Variants in FLI1 observed in about 807,000 individuals in gnomAD.
FLI1 encodes the protein Friend leukemia integration 1 transcription factor.
FLI1 carries 13 observed loss-of-function variants against 53.1 expected under a neutral mutation model. The ratio of observed to expected loss-of-function variants is 0.24; its 90% CI spans 0.16 to 0.39. The LOEUF is 0.39. Among genes scored for constraint, FLI1 ranks in the 10% least tolerant of loss-of-function variants. The probability of loss-of-function intolerance (pLI) is 1.00; values close to 1 mark genes in which losing one functional copy is unlikely to be tolerated. For missense variants in FLI1, 424 were observed against 600.5 expected, an observed-to-expected ratio of 0.71 and a Z score of 3.07; for synonymous variants, 244 against 236.7, an observed-to-expected ratio of 1.03 and a Z score of -0.28.
At chr11:128,739,077 T>C (rs1591767995) in intron 1 of FLI1, among the ~76,000 whole-genome samples, 1 of 152,200 alleles carries the variant, frequency 6.6e-6, no homozygotes, top group South Asian at 2.1e-4. Flanking sequence ...CCAAACTCGA[T>C]GTTTATCAGC....
chr11:128,771,169 G>A (rs548825166), intron 3 of FLI1, among the ~76,000 whole-genome samples: 2 of 152,330 alleles, frequency 1.3e-5, no homozygotes, highest in East Asian at 1.9e-4. Flanking sequence ...TAGGGCTCGC[G>A]GAGCAGGTGG....
upstream of FLI1, chr11:128,692,249 G>A (rs1216553850): frequency 1.3e-5 from 2 of 152,224 alleles, no homozygotes; most frequent in Non-Finnish European, 2.9e-5. Flanking sequence ...AGCCTGCCGC[G>A]GGGAGGAAAG....
At chr11:128,798,579 C>T (rs944733954) in intron 5 of FLI1, among the ~76,000 whole-genome samples, 6 of 152,276 alleles carry the variant, frequency 3.9e-5, no homozygotes, top group South Asian at 2.1e-4. Context: ...GGGTCAGCTC[C>T]GAGGCAGAGG....
At chr11:128,803,529 C>A (rs1453039309) in intron 5 of FLI1, among the ~76,000 whole-genome samples, 1 of 152,220 alleles carries the variant, frequency 6.6e-6, no homozygotes, top group Non-Finnish European at 1.5e-5. Context: ...CCTAGTTCCA[C>A]TCACCTCTCT....
intron 5 of FLI1, among the ~76,000 whole-genome samples, chr11:128,796,611 T>C (rs1465458438): frequency 6.6e-6 from 1 of 152,230 alleles, no homozygotes; most frequent in Non-Finnish European, 1.5e-5. Context: ...ACTACTGTGC[T>C]CTGTCTGATG....
At chr11:128,802,552 C>T (rs1942663704) in intron 5 of FLI1, among the ~76,000 whole-genome samples, 1 of 152,234 alleles carries the variant, frequency 6.6e-6, no homozygotes, top group African/African-American at 2.4e-5. Flanking sequence ...GAGCACAGTT[C>T]AGGCTGACTG....
intron 1 of FLI1, among the ~76,000 whole-genome samples, chr11:128,742,050 T>G (rs1477607851): frequency 6.8e-6 from 1 of 146,794 alleles, no homozygotes; most frequent in Non-Finnish European, 1.5e-5. Context: ...ATTCAGACTC[T>G]TTTCTCCTTT....
rs1012439114 is a variant in FLI1, at chr11:128,810,400, G to T, written c.830-59G>T. Reference sequence around the variant, plus strand: ...AAGCTCCCTGCATTTAGGGAACTGGGTTCTGCCTTCTCTGGGCTGAGGTGT... The same window carrying T: ...AAGCTCCCTGCATTTAGGGAACTGGTTTCTGCCTTCTCTGGGCTGAGGTGT... On this transcript the variant is annotated intron_variant, in intron 8 of 8. Transcript: ENST00000527786. This position sits in a 1 kb window ranked among gnomAD's most constrained non-coding sequence, Gnocchi z 6.6. The T allele has an allele frequency of 1.3e-6, 2 of 1,500,316 alleles. No homozygotes were observed. The highest frequency in any genetic ancestry group is 1.3e-5 in the South Asian group (1 of 78,522). The allele number at this position is 1,500,316 out of a possible 1,614,324, so 92.9% of individuals were successfully genotyped here.
intron 3 of FLI1, among the ~76,000 whole-genome samples, chr11:128,770,583 A>ATAAT (rs1289941782): frequency 2.2e-4 from 33 of 152,378 alleles, no homozygotes; most frequent in African/African-American, 7.7e-4. Context: ...TTGAAGATTT[A>ATAAT]TAATTCATTG....
In FLI1 at chr11:128,810,950, A is replaced by C. The variant is rs779654903; in HGVS notation, c.1321A>C (p.Asn441His). ...CAACCCCAACGTCCCCCGCCATCCT[A>C]ACACCCACGTGCCTTCACACTTAGG... is the stretch of plus-strand genomic sequence containing the variant. Reference protein sequence around the residue: ...YPNPNVPRHPNTHVPSHLGSY... With the variant: ...YPNPNVPRHPHTHVPSHLGSY... Residue 441 changes from asparagine to histidine, a missense_variant, in exon 9 of 9, where the codon AAC becomes CAC. This residue lies in a region of FLI1 where 87 missense variants were observed against 100.0 expected (regional missense o/e 0.87). Transcript: ENST00000527786. The surrounding 1 kb of genome is among the most constrained non-coding windows in gnomAD (Gnocchi z 6.6). 2 of 1,613,920 alleles carry C rather than the reference A, an allele frequency of 1.2e-6. No individual in the cohort carries two copies. The highest frequency in any genetic ancestry group is 8.5e-7 in the Non-Finnish European group (1 of 1,179,868).
intron 1 of FLI1, among the ~76,000 whole-genome samples, chr11:128,729,722 T>G (rs1939618837): frequency 1.3e-5 from 2 of 152,078 alleles, no homozygotes; most frequent in South Asian, 4.2e-4. Flanking sequence ...ATCATTCACC[T>G]CTCCTTCCCC....
intron 5 of FLI1, among the ~76,000 whole-genome samples, chr11:128,789,479 G>T (rs59720570): frequency 6.6e-6 from 1 of 152,160 alleles, no homozygotes; most frequent in Non-Finnish European, 1.5e-5. Context: ...GGGTGATGGG[G>T]CCTCAGGGTT....
intron 5 of FLI1, among the ~76,000 whole-genome samples, chr11:128,795,980 G>A (rs913364857): frequency 4.6e-5 from 7 of 152,302 alleles, no homozygotes; most frequent in African/African-American, 1.4e-4. Context: ...CCCCTGCCAA[G>A]TATCTACCTT....
rs561481229 is a variant in FLI1, at chr11:128,776,508, A to G, written c.589+3523A>G. Among the ~76,000 whole-genome samples, 4 of 152,288 alleles carry G rather than the reference A, an allele frequency of 2.6e-5. No homozygotes were observed. In the East Asian group the frequency reaches 7.7e-4, roughly 29 times the overall value. On this transcript the variant is annotated intron_variant, in intron 4 of 8. Transcript: ENST00000527786. ...TCTACTAAACATACAAAAATGAGCCAGGTGTGGTGGTGGGCGCCTGTAATC... is the reference window on the plus strand; with the variant it reads ...TCTACTAAACATACAAAAATGAGCCGGGTGTGGTGGTGGGCGCCTGTAATC...
At chr11:128,757,046 T>TTCTC (rs1268679379) in intron 1 of FLI1, among the ~76,000 whole-genome samples, 167 of 47,596 alleles carry the variant, frequency 3.5e-3, no homozygotes, top group African/African-American at 0.016. Flanking sequence ...AGCTAATTTT[T>TTCTC]TCTTTCTTTC....
chr11:128,706,857 G>C (rs1938566491), intron 1 of FLI1, among the ~76,000 whole-genome samples: 1 of 152,174 alleles, frequency 6.6e-6, no homozygotes, highest in Admixed American at 6.5e-5. Context: ...TTGCTGATTT[G>C]GAAGAGGGTA....
chr11:128,803,225 T>A (rs568850718), intron 5 of FLI1, among the ~76,000 whole-genome samples: 1 of 149,786 alleles, frequency 6.7e-6, no homozygotes, highest in Non-Finnish European at 1.5e-5. Flanking sequence ...GGCCCTCAGA[T>A]CCACCCCACA....
At chr11:128,755,290 G>A (rs543291113) in intron 1 of FLI1, among the ~76,000 whole-genome samples, 1 of 152,220 alleles carries the variant, frequency 6.6e-6, no homozygotes, top group African/African-American at 2.4e-5. Flanking sequence ...GGAAGGGAAA[G>A]AAATTATTTT....
At chr11:128,786,205 G>T (rs1432052224) in intron 5 of FLI1, among the ~76,000 whole-genome samples, 2 of 152,120 alleles carry the variant, frequency 1.3e-5, no homozygotes, top group Non-Finnish European at 2.9e-5. Context: ...AGACAAACTA[G>T]AGAGAAATGA....
Sources: allele counts gnomAD v4.1 joint callset (sites outside exome capture counted in the v4.1 genomes callset), GRCh38; gene constraint gnomAD v4.1.1; regional missense constraint gnomAD v4.1.1; non-coding constraint Gnocchi (gnomAD v3.1); transcripts MANE v1.5; gene names NCBI Gene and HGNC (gene_info 2026-07-23, HGNC 2026-07-21).